CHTF8: variants seen among roughly 807,000 people sequenced by gnomAD.
CHTF8 encodes chromosome transmission fidelity protein 8 homolog.
A neutral mutation model predicts 11.0 loss-of-function variants in CHTF8; 6 were observed. That is an observed-to-expected ratio of 0.55 (90% CI 0.30 to 1.08). The LOEUF is 1.08. Ranked by LOEUF, CHTF8 falls within the 50% of genes least tolerant of loss-of-function variation. The probability of loss-of-function intolerance (pLI) is 0.07; values close to 1 mark genes in which losing one functional copy is unlikely to be tolerated. For synonymous variants in CHTF8, 53 were observed against 60.5 expected (o/e 0.88, Z 0.57); for missense variants, 140 against 153.1 (o/e 0.91, Z 0.45).
intron 1 of CHTF8, among the ~76,000 whole-genome samples, chr16:69,129,429 CAAAAAAA>C (rs11420871): frequency 1.3e-5 from 1 of 75,602 alleles, no homozygotes; most frequent in African/African-American, 4.9e-5. Flanking sequence ...GACTCCGTCA[CAAAAAAA>C]AAAAAAAAAA....
chr16:69,123,925 TAAAAAAAAAAA>T (rs757493986), intron 1 of CHTF8, among the ~76,000 whole-genome samples: 1 of 76,962 alleles, frequency 1.3e-5, no homozygotes, highest in Non-Finnish European at 2.5e-5. Flanking sequence ...CCATCTCTAC[TAAAAAAAAAAA>T]AAAAAAAAAA....
rs1308306904 is a variant in CHTF8, at chr16:69,119,206, G to C, written c.*1219C>G. ...GGCCCTTGGGAAGTTAGCTGGGTTG[G>C]GGCCAAGTGGCCCAGAGGCTCTTGG... On this transcript the variant is annotated 3_prime_UTR_variant, in exon 4 of 4. Coordinates refer to ENST00000448552, the MANE Select transcript of CHTF8 (RefSeq NM_001039690.5). 1 of 703,030 alleles carries C rather than the reference G, an allele frequency of 1.4e-6. No homozygotes were observed. The highest frequency in any genetic ancestry group is 2.6e-6 in the Non-Finnish European group (1 of 385,016). 43.5% of individuals were successfully genotyped at this position (703,030 alleles called of 1,614,324 possible).
At chr16:69,126,242 C>G (rs568103631) in intron 1 of CHTF8, among the ~76,000 whole-genome samples, 1 of 152,302 alleles carries the variant, frequency 6.6e-6, no homozygotes, top group Admixed American at 6.5e-5. Flanking sequence ...TCCTGACAAC[C>G]AAAATCAATC....
In CHTF8 at chr16:69,121,435, C is replaced by A. The variant is rs768055082; in HGVS notation, c.23+1G>T. The A allele has an allele frequency of 6.2e-7, 1 of 1,607,248 alleles. No individual in the cohort carries two copies. The highest frequency in any genetic ancestry group is 8.5e-7 in the Non-Finnish European group (1 of 1,177,966). Reference sequence around the variant, plus strand: ...ATTTTAAAATCTCAAAATGTACTTACCTGGAAATAACAATTTGCACCATGA... The same window carrying A: ...ATTTTAAAATCTCAAAATGTACTTAACTGGAAATAACAATTTGCACCATGA... On this transcript the variant is annotated splice_donor_variant, in intron 2 of 3. Coordinates refer to ENST00000448552, the MANE Select transcript of CHTF8 (RefSeq NM_001039690.5). LOFTEE classifies it high-confidence loss of function.
intron 1 of CHTF8, among the ~76,000 whole-genome samples, chr16:69,128,128 T>C (rs1312212674): frequency 6.6e-6 from 1 of 151,842 alleles, no homozygotes; most frequent in African/African-American, 2.4e-5. Flanking sequence ...TTAGTCAGGC[T>C]GGTCTTGAAC....
intron 1 of CHTF8, among the ~76,000 whole-genome samples, chr16:69,131,616 C>A (rs1268380010): frequency 6.9e-6 from 1 of 145,170 alleles, no homozygotes; most frequent in South Asian, 2.3e-4. Context: ...CTCTTCTCCA[C>A]CCCCCTCCAA....
intron 1 of CHTF8, among the ~76,000 whole-genome samples, chr16:69,127,478 T>C (rs1962153578): frequency 6.6e-6 from 1 of 152,146 alleles, no homozygotes; most frequent in Non-Finnish European, 1.5e-5. Context: ...TTGTTTGTTC[T>C]AAGATGGGGC....
chr16:69,122,273 G>C (rs1961728712), intron 1 of CHTF8, among the ~76,000 whole-genome samples: 1 of 152,004 alleles, frequency 6.6e-6, no homozygotes, highest in Admixed American at 6.6e-5. Flanking sequence ...AGATCACATA[G>C]CTACTAAGGA....
intron 1 of CHTF8, among the ~76,000 whole-genome samples, chr16:69,123,819 A>G (rs1961856945): frequency 2.6e-5 from 4 of 151,364 alleles, no homozygotes; most frequent in Non-Finnish European, 5.9e-5. Context: ...CGGGAGCAGT[A>G]GCTCACGCCT....
At chr16:69,127,561 A>C (rs72789239) in intron 1 of CHTF8, among the ~76,000 whole-genome samples, 5,937 of 151,812 alleles carry the variant, frequency 0.039, 164 homozygotes, top group South Asian at 0.073. Flanking sequence ...CATGAAGTCA[A>C]GAAACTAAAA....
At chr16:69,126,101 T>G (rs1267738028) in intron 1 of CHTF8, among the ~76,000 whole-genome samples, 2 of 152,138 alleles carry the variant, frequency 1.3e-5, no homozygotes, top group Non-Finnish European at 2.9e-5. Flanking sequence ...TTGAAGATGA[T>G]GTAGTATATT....
chr16:69,131,158 CT>C (rs2152273856), intron 1 of CHTF8: 1 of 152,206 alleles, frequency 6.6e-6, no homozygotes, highest in East Asian at 1.9e-4. Flanking sequence ...CAAAAAGGGG[CT>C]TATGGAGGGT....
Position 69,119,267 on chromosome 16 carries a change from A to C in CHTF8, c.*1158T>G, listed in dbSNP as rs1394913569. 2.8e-6 allele frequency: 2 copies of C among 703,014 alleles called. No individual in the cohort carries two copies. Among genetic ancestry groups the C allele is most frequent in the Non-Finnish European group, 5.2e-6 (2 of 384,984 alleles). 43.5% of individuals were successfully genotyped at this position (703,014 alleles called of 1,614,324 possible). ...GGATTTGAGCCCTGGAGGCCAGCGG[A>C]CCTTTGGAAGGTAGCTGGGTTTGAT... On this transcript the variant is annotated 3_prime_UTR_variant, in exon 4 of 4. Transcript: ENST00000448552.
intron 1 of CHTF8, among the ~76,000 whole-genome samples, chr16:69,128,485 TGAG>T (rs1037199482): frequency 2.6e-5 from 4 of 152,296 alleles, no homozygotes; most frequent in Middle Eastern, 3.4e-3. Context: ...CCCAATCTCA[TGAG>T]GAGGGAAAAA....
At chr16:69,121,891 G>A (rs961465124) in intron 1 of CHTF8, among the ~76,000 whole-genome samples, 40 of 152,068 alleles carry the variant, frequency 2.6e-4, no homozygotes, top group Admixed American at 1.8e-3. Flanking sequence ...GGATGGTCTC[G>A]ATCTCCTGAC....
chr16:69,124,928 G>C (rs935126402), intron 1 of CHTF8, among the ~76,000 whole-genome samples: 2 of 151,836 alleles, frequency 1.3e-5, no homozygotes, highest in African/African-American at 2.4e-5. Flanking sequence ...TTTTGAGACA[G>C]AGTTTCGCTC....
At chr16:69,129,607 A>C (rs1369484912) in intron 1 of CHTF8, among the ~76,000 whole-genome samples, 1 of 152,162 alleles carries the variant, frequency 6.6e-6, no homozygotes, top group Non-Finnish European at 1.5e-5. Flanking sequence ...ACAAATGAGG[A>C]AACAGGCTTA....
At chr16:69,122,958 C>G (rs2152268295) in intron 1 of CHTF8, among the ~76,000 whole-genome samples, 1 of 152,292 alleles carries the variant, frequency 6.6e-6, no homozygotes, top group African/African-American at 2.4e-5. Flanking sequence ...GGATTACAGG[C>G]ATTAGCCACC....
intron 1 of CHTF8, 111 bp from the exon 2 acceptor site, chr16:69,121,604 A>C: frequency 1.6e-6 from 1 of 620,238 alleles, no homozygotes; most frequent in South Asian, 2.1e-5. Flanking sequence ...CAGCCTCCCG[A>C]GTAGCTGGGA....
Sources: gnomAD v4.1 joint callset for allele counts (sites outside exome capture counted in the v4.1 genomes callset) on GRCh38, gnomAD v4.1.1 for gene constraint, MANE v1.5 for transcripts, NCBI Gene and HGNC (gene_info 2026-07-23, HGNC 2026-07-21) for gene names.